MACROD2: variants seen among roughly 807,000 people sequenced by gnomAD.
MACROD2 encodes mono-ADP ribosylhydrolase 2, also known as ADP-ribose glycohydrolase MACROD2.
In MACROD2, 36 loss-of-function variants were observed where a neutral mutation model predicts 70.4. That is an observed-to-expected ratio of 0.51 (90% CI 0.39 to 0.68). The LOEUF is 0.68. MACROD2 is among the 30% of genes least tolerant of loss of function. The pLI is 0.00. For missense variants in MACROD2, 496 were observed against 538.4 expected (o/e 0.92, Z 0.78); for synonymous variants, 172 against 178.8 (o/e 0.96, Z 0.30).
chr20:14,470,243 T>C (rs13042122), intron 3 of MACROD2, among the ~76,000 whole-genome samples: 51,611 of 151,852 alleles, frequency 0.34, 8,925 homozygotes, highest in Admixed American at 0.37. Context: ...TTTGCCGGGG[T>C]ATCACCAGCA....
intron 8 of MACROD2, among the ~76,000 whole-genome samples, chr20:15,516,755 A>G (rs2047573548): frequency 6.6e-6 from 1 of 152,170 alleles, no homozygotes; most frequent in South Asian, 2.1e-4. Context: ...TTTGGGGCAA[A>G]GTTTACAGTT....
chr20:15,399,273 C>T (rs530341038), intron 6 of MACROD2, among the ~76,000 whole-genome samples: 2 of 152,324 alleles, frequency 1.3e-5, no homozygotes, highest in Admixed American at 1.3e-4. Flanking sequence ...GTTTCATTGT[C>T]AACAGCCACC....
intron 5 of MACROD2, among the ~76,000 whole-genome samples, chr20:14,700,522 G>GTTGTGTGTGTGT (rs1555817948): frequency 9.0e-6 from 1 of 111,378 alleles, no homozygotes; most frequent in East Asian, 2.3e-4. Context: ...GACATATGGT[G>GTTGTGTGTGTGT]GTGTGTGTGT....
chr20:14,354,886 A>C (rs879407783), intron 3 of MACROD2, among the ~76,000 whole-genome samples: 1 of 152,108 alleles, frequency 6.6e-6, no homozygotes, highest in Non-Finnish European at 1.5e-5. Flanking sequence ...AACATGCAGT[A>C]TTTGGTTTTC....
At chr20:15,700,112 C>T (rs1914618928) in intron 8 of MACROD2, among the ~76,000 whole-genome samples, 1 of 152,158 alleles carries the variant, frequency 6.6e-6, no homozygotes, top group Admixed American at 6.5e-5. Flanking sequence ...GGGGGTCTCT[C>T]GGGTCCTGCA....
chr20:14,137,103 G>T (rs1569174867), intron 3 of MACROD2, among the ~76,000 whole-genome samples: 1 of 152,186 alleles, frequency 6.6e-6, no homozygotes, highest in African/African-American at 2.4e-5. Flanking sequence ...AGCAATGCAA[G>T]AGTTAGGGGC....
intron 10 of MACROD2, among the ~76,000 whole-genome samples, chr20:15,918,015 G>C (rs904141915): frequency 1.3e-5 from 2 of 150,038 alleles, no homozygotes; most frequent in African/African-American, 4.9e-5. Flanking sequence ...ACTGTGCAGA[G>C]ACTTGAAAAC....
chr20:15,072,897 T>A (rs1867035255), intron 5 of MACROD2, among the ~76,000 whole-genome samples: 1 of 152,114 alleles, frequency 6.6e-6, no homozygotes, highest in Middle Eastern at 3.2e-3. Flanking sequence ...TGGGGCCTAA[T>A]AAAAGGTGTT....
Position 15,834,042 on chromosome 20 carries a change from T to C in MACROD2, c.646-28703T>C, listed in dbSNP as rs553218059. On this transcript the variant is annotated intron_variant, in intron 8 of 17. Coordinates refer to ENST00000684519, the MANE Select transcript of MACROD2 (RefSeq NM_001351661.2). ...TAAAATGATAGGATTGGAATTAGAT[T>C]ATCTACCCAGCTCTTTGAATACTGC... Among the ~76,000 whole-genome samples the C allele has an allele frequency of 3.9e-5, 6 of 152,324 alleles. No individual in the cohort carries two copies. In the South Asian group the frequency reaches 1.2e-3, roughly 32 times the overall value.
intron 3 of MACROD2, among the ~76,000 whole-genome samples, chr20:14,192,412 G>A (rs1427038277): frequency 6.6e-6 from 1 of 152,110 alleles, no homozygotes; most frequent in Non-Finnish European, 1.5e-5. Context: ...AAGTGTGGGA[G>A]GATAGGGAAG....
chr20:16,042,002 T>A (rs2067314207), intron 16 of MACROD2, among the ~76,000 whole-genome samples: 1 of 152,144 alleles, frequency 6.6e-6, no homozygotes, highest in Middle Eastern at 3.4e-3. Flanking sequence ...GGTTAGGTGG[T>A]CAGTCATTTA....
At chr20:14,261,743 CAAAGGTGAGT>C (rs1240753496) in intron 3 of MACROD2, among the ~76,000 whole-genome samples, 2 of 152,050 alleles carry the variant, frequency 1.3e-5, no homozygotes, top group African/African-American at 4.8e-5. Context: ...ACTGACAGTA[CAAAGGTGAGT>C]AACTCATAGA....
At chr20:15,485,441 A>G (rs1200793966) in intron 7 of MACROD2, among the ~76,000 whole-genome samples, 1 of 152,112 alleles carries the variant, frequency 6.6e-6, no homozygotes, top group Non-Finnish European at 1.5e-5. Flanking sequence ...CTGGCACATT[A>G]CAACTCCAGG....
At chr20:15,970,984 G>A (rs1458199620) in intron 13 of MACROD2, among the ~76,000 whole-genome samples, 1 of 152,062 alleles carries the variant, frequency 6.6e-6, no homozygotes, top group Admixed American at 6.6e-5. Flanking sequence ...TAACTTAACT[G>A]CATTTTAGAA....
At chr20:15,149,505 C>T (rs558110934) in intron 5 of MACROD2, among the ~76,000 whole-genome samples, 41 of 151,898 alleles carry the variant, frequency 2.7e-4, no homozygotes, top group African/African-American at 8.5e-4. Context: ...GATTGAAGTC[C>T]GGGCCAGGAA....
chr20:15,125,133 T>G (rs932624491), intron 5 of MACROD2, among the ~76,000 whole-genome samples: 10 of 152,108 alleles, frequency 6.6e-5, no homozygotes, highest in African/African-American at 1.9e-4. Flanking sequence ...TAAAATTAAA[T>G]AGTTGTGTAT....
intron 3 of MACROD2, chr20:14,323,709 G>A (rs1280986173): frequency 6.6e-6 from 1 of 152,100 alleles, no homozygotes; most frequent in Non-Finnish European, 1.5e-5. Flanking sequence ...TTTGAAGATT[G>A]CAAGGATTTT....
At chr20:14,639,049 A>C (rs1160421876) in intron 4 of MACROD2, among the ~76,000 whole-genome samples, 3 of 152,160 alleles carry the variant, frequency 2.0e-5, no homozygotes, top group Non-Finnish European at 2.9e-5. Context: ...TAATACATAC[A>C]TACCTAATTT....
At chr20:15,753,786 T>C (rs932834925) in intron 8 of MACROD2, among the ~76,000 whole-genome samples, 2 of 152,228 alleles carry the variant, frequency 1.3e-5, no homozygotes, top group African/African-American at 4.8e-5. Flanking sequence ...CTGTTGTTTT[T>C]TGACTTTTTA....
Sources: gnomAD v4.1 joint callset for allele counts (sites outside exome capture counted in the v4.1 genomes callset) on GRCh38, gnomAD v4.1.1 for gene constraint, MANE v1.5 for transcripts, NCBI Gene and HGNC (gene_info 2026-07-23, HGNC 2026-07-21) for gene names.